SCRG1: variants seen among roughly 807,000 people sequenced by gnomAD.
The protein encoded by SCRG1 is stimulator of chondrogenesis 1, also known as scrapie-responsive protein 1.
SCRG1 carries 3 observed loss-of-function variants against 7.7 expected under a neutral mutation model. That is an observed-to-expected ratio of 0.39 (90% confidence interval 0.18 to 1.01). SCRG1 has a LOEUF of 1.01. SCRG1 is among the 50% of genes least tolerant of loss of function. SCRG1 has a pLI of 0.36. For missense variants in SCRG1, 110 were observed against 117.2 expected (o/e 0.94, Z 0.28); for synonymous variants, 46 against 41.2 (o/e 1.12, Z -0.44).
chr4:173,436,933 T>C, the SCRG1 span, among the ~76,000 whole-genome samples: 1 of 152,198 alleles, frequency 6.6e-6, no homozygotes, highest in Non-Finnish European at 1.5e-5. Context: ...CTCCCCAGAC[T>C]GTAATAGATT....
the SCRG1 span, among the ~76,000 whole-genome samples, chr4:173,511,697 T>C: frequency 6.6e-6 from 1 of 152,152 alleles, no homozygotes; most frequent in Non-Finnish European, 1.5e-5. This position sits in a 1 kb window ranked among gnomAD's most constrained non-coding sequence, Gnocchi z 5.2. Flanking sequence ...TTTCCAGTCT[T>C]AAATTCAACA....
intron 1 of SCRG1, chr4:173,404,453 A>C (rs1272918831): frequency 2.0e-5 from 3 of 152,232 alleles, no homozygotes; most frequent in African/African-American, 7.2e-5. Flanking sequence ...AGATATGGAC[A>C]GTTGCCAAAA....
At chr4:173,494,276 C>T in the SCRG1 span, among the ~76,000 whole-genome samples, 1 of 152,126 alleles carries the variant, frequency 6.6e-6, no homozygotes, top group Admixed American at 6.5e-5. Flanking sequence ...GGCTCTTCTT[C>T]CCCCGAATCA....
chr4:173,470,462 A>C, the SCRG1 span, among the ~76,000 whole-genome samples: 4 of 152,220 alleles, frequency 2.6e-5, no homozygotes, highest in Non-Finnish European at 5.9e-5. Context: ...TGCTGAGTAC[A>C]TGGTTATAAA....
chr4:173,495,499 C>T, the SCRG1 span, among the ~76,000 whole-genome samples: 71 of 152,272 alleles, frequency 4.7e-4, no homozygotes, highest in East Asian at 0.012. Context: ...ACACTATGTG[C>T]GCATATGAAA....
chr4:173,441,961 A>G, the SCRG1 span, among the ~76,000 whole-genome samples: 1 of 152,226 alleles, frequency 6.6e-6, no homozygotes, highest in Admixed American at 6.5e-5. Flanking sequence ...ATCCATAGCA[A>G]AGGAGACGAT....
chr4:173,399,708 G>C (rs565856946), upstream of SCRG1, among the ~76,000 whole-genome samples: 2 of 62,824 alleles, frequency 3.2e-5, no homozygotes, highest in Non-Finnish European at 7.9e-5. Flanking sequence ...AATGTATTCT[G>C]TGCCTTAGAA....
the SCRG1 span, among the ~76,000 whole-genome samples, chr4:173,494,668 C>T: frequency 2.0e-5 from 3 of 152,280 alleles, no homozygotes; most frequent in African/African-American, 7.2e-5. Context: ...AAGAAGGACC[C>T]GGGAGCTCTT....
the SCRG1 span, among the ~76,000 whole-genome samples, chr4:173,472,213 A>C: frequency 3.9e-5 from 6 of 152,230 alleles, no homozygotes; most frequent in Non-Finnish European, 8.8e-5. Context: ...TAAACTAATA[A>C]TATGCAAGGT....
chr4:173,459,325 A>G, the SCRG1 span, among the ~76,000 whole-genome samples: 2 of 152,250 alleles, frequency 1.3e-5, no homozygotes, highest in Non-Finnish European at 2.9e-5. Flanking sequence ...TTTCATCAGC[A>G]CATGAAACAT....
At chr4:173,484,445 TA>T in the SCRG1 span, among the ~76,000 whole-genome samples, 1 of 25,730 alleles carries the variant, frequency 3.9e-5, no homozygotes, top group Non-Finnish European at 8.4e-5. Flanking sequence ...ACATATGATA[TA>T]TAATATATAT....
chr4:173,394,269 TC>T (rs907166016), intron 1 of SCRG1, among the ~76,000 whole-genome samples: 1 of 152,130 alleles, frequency 6.6e-6, no homozygotes, highest in South Asian at 2.1e-4. Flanking sequence ...TCTTTTTTTT[TC>T]CGATATGCTT....
At chr4:173,485,232 T>A in the SCRG1 span, among the ~76,000 whole-genome samples, 5 of 36,082 alleles carry the variant, frequency 1.4e-4, no homozygotes, top group Non-Finnish European at 2.7e-4. Flanking sequence ...ATTTTTTTTT[T>A]AAAAAGGAAT....
intron 2 of SCRG1, among the ~76,000 whole-genome samples, chr4:173,389,029 T>C (rs895449240): frequency 6.6e-6 from 1 of 152,180 alleles, no homozygotes; most frequent in Non-Finnish European, 1.5e-5. Flanking sequence ...ATAATATAAA[T>C]GTAAGTCCAT....
chr4:173,402,457 A>T (rs988177997), upstream of SCRG1, among the ~76,000 whole-genome samples: 6 of 145,076 alleles, frequency 4.1e-5, no homozygotes, highest in African/African-American at 1.6e-4. Flanking sequence ...TTCTTTTTAA[A>T]AAAAAAAAAA....
the SCRG1 span, among the ~76,000 whole-genome samples, chr4:173,436,811 T>C: frequency 1.3e-5 from 2 of 152,186 alleles, no homozygotes; most frequent in African/African-American, 4.8e-5. Context: ...GCAGGCTTCG[T>C]GTAGACACTA....
At chr4:173,416,673 A>G in the SCRG1 span, among the ~76,000 whole-genome samples, 1 of 152,168 alleles carries the variant, frequency 6.6e-6, no homozygotes, top group Non-Finnish European at 1.5e-5. Flanking sequence ...CCAAATTTCA[A>G]AGTCAAACCT....
At chr4:173,412,674 T>C in the SCRG1 span, among the ~76,000 whole-genome samples, 18 of 152,230 alleles carry the variant, frequency 1.2e-4, no homozygotes, top group Non-Finnish European at 2.4e-4. Context: ...CTCAGTTTAC[T>C]GTTGCGTCCC....
At chr4:173,483,244 T>C in the SCRG1 span, among the ~76,000 whole-genome samples, 1 of 75,448 alleles carries the variant, frequency 1.3e-5, no homozygotes, top group African/African-American at 6.0e-5. Flanking sequence ...TAATATATGA[T>C]ATATCATATA....
Sources: allele counts gnomAD v4.1 joint callset (sites outside exome capture counted in the v4.1 genomes callset), GRCh38; gene constraint gnomAD v4.1.1; non-coding constraint Gnocchi (gnomAD v3.1); transcripts MANE v1.5; gene names NCBI Gene and HGNC (gene_info 2026-07-23, HGNC 2026-07-21).